TC2N: variants seen among roughly 807,000 people sequenced by gnomAD.
The protein encoded by TC2N is tandem C2 domains, nuclear.
In TC2N, 51 loss-of-function variants were observed where a neutral mutation model predicts 61.9. The observed-to-expected ratio is 0.82, with a 90% confidence interval of 0.66 to 1.04. TC2N has a LOEUF of 1.04. Among genes scored for constraint, TC2N ranks in the 50% least tolerant of loss-of-function variants. The pLI, the probability that TC2N is intolerant of heterozygous loss-of-function variation, is 0.00. For missense variants in TC2N, 556 were observed against 566.7 expected, an observed-to-expected ratio of 0.98 and a Z score of 0.19; for synonymous variants, 204 against 192.6, an observed-to-expected ratio of 1.06 and a Z score of -0.49.
chr14:91,798,876 C>CA (rs1407802559), intron 6 of TC2N, 113 bp downstream of exon 6: 1 of 649,868 alleles, frequency 1.5e-6, no homozygotes, highest in African/African-American at 1.9e-5. Context: ...TTTATTATAT[C>CA]AACATAGTAG....
In TC2N at chr14:91,782,053, A is replaced by G. The variant is rs1439473241; in HGVS notation, c.*1047T>C. On this transcript the variant is annotated 3_prime_UTR_variant, in exon 12 of 12. Transcript: ENST00000435962. ...ATTTTCTAAAATCAGGTATAATGTC[A>G]TCTGCCTCTCCAAAAAACTGTTCTT... The G allele has an allele frequency of 6.6e-6, 1 of 152,070 alleles. No homozygotes were observed. Among genetic ancestry groups the G allele is most frequent in the Admixed American group, 6.6e-5 (1 of 15,254 alleles). 9.4% of individuals were successfully genotyped at this position (152,070 alleles called of 1,614,324 possible).
intron 1 of TC2N, among the ~76,000 whole-genome samples, chr14:91,815,832 G>T (rs1430153369): frequency 6.6e-6 from 1 of 151,664 alleles, no homozygotes; most frequent in Non-Finnish European, 1.5e-5. Flanking sequence ...CTCACTGGCT[G>T]AAGGTGAATC....
chr14:91,854,291 AAACTGG>A (rs1400234788), intron 1 of TC2N, among the ~76,000 whole-genome samples: 5 of 152,024 alleles, frequency 3.3e-5, no homozygotes, highest in African/African-American at 9.7e-5. Context: ...TTTCCTATAG[AAACTGG>A]AAGGAAAAAT....
chr14:91,788,062 C>T (rs1885454515), intron 9 of TC2N, among the ~76,000 whole-genome samples: 1 of 151,802 alleles, frequency 6.6e-6, no homozygotes, highest in African/African-American at 2.4e-5. Context: ...TTATGGAGAT[C>T]AGAGTAGGTG....
At chr14:91,838,540 T>C (rs1043558243) in intron 1 of TC2N, among the ~76,000 whole-genome samples, 3 of 152,218 alleles carry the variant, frequency 2.0e-5, no homozygotes, top group African/African-American at 4.8e-5. Context: ...TAACTTTTAC[T>C]TCCTTGCAGC....
intron 1 of TC2N, among the ~76,000 whole-genome samples, chr14:91,853,680 A>C: frequency 9.5e-6 from 1 of 105,078 alleles, no homozygotes; most frequent in Admixed American, 9.6e-5. Flanking sequence ...ACACACACAC[A>C]CACACACACA....
At chr14:91,809,779 TC>T (rs1468026252) in intron 3 of TC2N, among the ~76,000 whole-genome samples, 1 of 152,098 alleles carries the variant, frequency 6.6e-6, no homozygotes, top group African/African-American at 2.4e-5. Context: ...AAGGAGAGAT[TC>T]CCAAATTCTG....
chr14:91,858,757 C>T (rs981330332), intron 1 of TC2N, among the ~76,000 whole-genome samples: 10 of 152,112 alleles, frequency 6.6e-5, no homozygotes, highest in Non-Finnish European at 1.5e-4. Flanking sequence ...CTTTGTCACT[C>T]ACTCAGGAAG....
chr14:91,866,798 C>T (rs1224189809), intron 1 of TC2N, among the ~76,000 whole-genome samples: 1 of 152,234 alleles, frequency 6.6e-6, no homozygotes, highest in East Asian at 1.9e-4. Flanking sequence ...AGAGCAGGCT[C>T]ATCCCCAGTC....
chr14:91,836,743 C>T (rs910456840), intron 1 of TC2N, among the ~76,000 whole-genome samples: 4 of 151,786 alleles, frequency 2.6e-5, no homozygotes, highest in African/African-American at 9.7e-5. Flanking sequence ...CGCTTGGCAG[C>T]CCCTTCCTGG....
chr14:91,798,361 T>A lies in TC2N; in HGVS notation c.676A>T (p.Arg226Ter). ...TLSGDERDFG[R>*]LNVKLFYNSS... is the part of the protein sequence containing the mutation. ...TTATAAAACAATTTCACATTCAGTC[T>A]CCCAAAGTCCCTTTCATCTCCTGAT... The change falls in exon 7 of 12, where the codon AGA becomes TGA. Residue 226 changes from arginine (R) to a stop codon, truncating the protein, a stop_gained. Coordinates refer to ENST00000435962, the MANE Select transcript of TC2N (RefSeq NM_001128596.3). LOFTEE classifies it high-confidence loss of function. 6.3e-7 allele frequency: 1 copy of A among 1,594,022 alleles called. No individual in the cohort carries two copies. Among genetic ancestry groups the A allele is most frequent in the Non-Finnish European group, 8.6e-7 (1 of 1,168,814 alleles).
intron 10 of TC2N, 43 bp downstream of exon 10, chr14:91,787,469 TA>T: frequency 8.6e-7 from 1 of 1,157,140 alleles, no homozygotes; most frequent in Non-Finnish European, 1.3e-6. Flanking sequence ...TTTCTATTAC[TA>T]ATACTTTCTG....
intron 4 of TC2N, among the ~76,000 whole-genome samples, chr14:91,802,001 C>CA (rs1886272850): frequency 6.6e-6 from 1 of 152,046 alleles, no homozygotes. Flanking sequence ...TCTCTTGAAC[C>CA]AAAGCTTCTT....
At chr14:91,800,827 G>A (rs1345159645) in intron 4 of TC2N, among the ~76,000 whole-genome samples, 1 of 151,918 alleles carries the variant, frequency 6.6e-6, no homozygotes, top group Non-Finnish European at 1.5e-5. Flanking sequence ...GTGAAGAAAG[G>A]AACTTTGTAT....
At chr14:91,823,220 T>C (rs1887336383) in intron 1 of TC2N, among the ~76,000 whole-genome samples, 1 of 151,942 alleles carries the variant, frequency 6.6e-6, no homozygotes, top group Non-Finnish European at 1.5e-5. Flanking sequence ...GCCGAAGGCT[T>C]AGAAATCATT....
intron 9 of TC2N, among the ~76,000 whole-genome samples, chr14:91,791,243 A>G (rs1885642756): frequency 6.7e-6 from 1 of 150,266 alleles, no homozygotes; most frequent in African/African-American, 2.4e-5. Flanking sequence ...AAGGGTAGAT[A>G]CATGTTTCTG....
intron 3 of TC2N, among the ~76,000 whole-genome samples, chr14:91,806,225 C>T (rs984600023): frequency 3.3e-5 from 5 of 152,218 alleles, no homozygotes; most frequent in Middle Eastern, 3.4e-3. Context: ...TACCTAAACT[C>T]AGGTATGTCT....
At chr14:91,799,151 C>A in intron 5 of TC2N, 87 bp from the exon 6 acceptor site, 2 of 752,514 alleles carry the variant, frequency 2.7e-6, no homozygotes, top group Admixed American at 3.1e-5. Flanking sequence ...ATCCTAGTAA[C>A]AAACTGCATG....
intron 1 of TC2N, among the ~76,000 whole-genome samples, chr14:91,844,634 T>G (rs992588757): frequency 2.0e-5 from 3 of 151,586 alleles, no homozygotes; most frequent in African/African-American, 7.3e-5. Context: ...TGGTGGCACA[T>G]GCCTTAGTCT....
Sources: gnomAD v4.1 joint callset for allele counts (sites outside exome capture counted in the v4.1 genomes callset) on GRCh38, gnomAD v4.1.1 for gene constraint, MANE v1.5 for transcripts, NCBI Gene and HGNC (gene_info 2026-07-23, HGNC 2026-07-21) for gene names.